The following WDR53 variants were observed in gnomAD, a reference collection of about 807,000 sequenced individuals.
WDR53 encodes the protein WD repeat domain 53, also known as WD repeat-containing protein 53.
A neutral mutation model predicts 21.3 loss-of-function variants in WDR53; 19 were observed. The observed-to-expected ratio is 0.89, with a 90% CI of 0.62 to 1.31. The LOEUF (loss-of-function observed/expected upper bound fraction) is 1.31. WDR53 is among the 50% of genes most tolerant of loss of function. WDR53 has a pLI of 0.00. For synonymous variants in WDR53, 157 were observed against 163.4 expected, an observed-to-expected ratio of 0.96 and a Z score of 0.30; for missense variants, 374 against 423.2, an observed-to-expected ratio of 0.88 and a Z score of 1.02.
intron 3 of WDR53, among the ~76,000 whole-genome samples, chr3:196,557,063 T>C (rs967310558): frequency 6.9e-6 from 1 of 144,680 alleles, no homozygotes; most frequent in Non-Finnish European, 1.5e-5. Flanking sequence ...TCAAGAGAGC[T>C]AGAGATACTG....
chr3:196,558,968 G>T (rs1734578129), intron 3 of WDR53, among the ~76,000 whole-genome samples: 1 of 152,190 alleles, frequency 6.6e-6, no homozygotes, highest in African/African-American at 2.4e-5. Context: ...TTCCAGGGCT[G>T]TTCACTAGCA....
rs1416430742 is a variant in WDR53, at chr3:196,554,395, T to G, written c.893A>C (p.Gln298Pro). The G allele has an allele frequency of 6.2e-7, 1 of 1,614,226 alleles. No homozygotes were observed. The highest frequency in any genetic ancestry group is 1.7e-5 in the Admixed American group (1 of 60,022). ...TACTGAAGCGTTAGTATTTCCACCC[T>G]GCTTGGTGCAAGTTCCTCTTTTAGG... The part of the protein sequence containing the change: ...KKPKRGTCTK[Q>P]GGNTNASVTD... The change falls in exon 4 of 4, where the codon CAG (glutamine) becomes CCG (proline). Residue 298 changes from glutamine to proline, a missense_variant. Coordinates refer to ENST00000332629, the MANE Select transcript of WDR53 (RefSeq NM_182627.3).
chr3:196,567,328 T>C (rs556740299), intron 1 of WDR53, 21 bp from the exon 2 acceptor site: 3 of 435,502 alleles, frequency 6.9e-6, no homozygotes, highest in Admixed American at 5.2e-5. Context: ...TGAAAAGAAT[T>C]AGGGTTACTG....
intron 3 of WDR53, 82 bp downstream of exon 3, chr3:196,560,914 G>T: frequency 2.0e-6 from 3 of 1,511,364 alleles, no homozygotes; most frequent in Non-Finnish European, 2.7e-6. Flanking sequence ...AAAAAGCAAA[G>T]ATATTTCGTG....
At chr3:196,554,834 C>A (rs1483263916) in intron 3 of WDR53, 27 bp from the exon 4 acceptor site, 2 of 1,571,526 alleles carry the variant, frequency 1.3e-6, no homozygotes, top group Non-Finnish European at 1.7e-6. Flanking sequence ...ATTACACAGT[C>A]ATACAAAATG....
intron 1 of WDR53, 133 bp downstream of exon 1, chr3:196,568,386 G>A (rs1266889055): frequency 6.5e-6 from 1 of 152,716 alleles, no homozygotes; most frequent in Non-Finnish European, 1.5e-5. Flanking sequence ...AACGGACACA[G>A]GGAAACGTCA....
Position 196,554,922 on chromosome 3 carries a change from G to A in WDR53, c.481-115C>T, listed in dbSNP as rs1734196540. 6 of 816,654 alleles carry A rather than the reference G, an allele frequency of 7.3e-6. No homozygotes were observed. The South Asian group carries it at 1.0e-4, about 14-fold the overall frequency. The allele number at this position is 816,654 out of a possible 1,614,324, so 50.6% of individuals were successfully genotyped here. On this transcript the variant is annotated intron_variant, in intron 3 of 3. Transcript: ENST00000332629. ...AAGTAGTCTGAGAATGAGCAGTAGT[G>A]CACGTTCTCAGCAGTATTAAAAAAT...
intron 1 of WDR53, among the ~76,000 whole-genome samples, chr3:196,568,041 T>C (rs1010749762): frequency 2.0e-5 from 3 of 152,248 alleles, no homozygotes; most frequent in East Asian, 3.9e-4. Flanking sequence ...TATTGGAATG[T>C]TTAATTGACT....
intron 1 of WDR53, among the ~76,000 whole-genome samples, chr3:196,568,122 G>A (rs1735607509): frequency 6.6e-6 from 1 of 152,134 alleles, no homozygotes; most frequent in Non-Finnish European, 1.5e-5. Context: ...CCAAAAGACG[G>A]CAGCACTTAA....
chr3:196,564,983 T>C (rs938727936), intron 2 of WDR53, among the ~76,000 whole-genome samples: 4 of 152,178 alleles, frequency 2.6e-5, no homozygotes, highest in Admixed American at 6.5e-5. Context: ...ATTAACTCAA[T>C]CTTCAAGGTT....
At chr3:196,561,562 T>TA in intron 2 of WDR53, 71 bp from the exon 3 acceptor site, 1 of 1,393,520 alleles carries the variant, frequency 7.2e-7, no homozygotes, top group Non-Finnish European at 9.5e-7. Flanking sequence ...ACAGATGTAA[T>TA]AAACAATATT....
Position 196,554,309 on chromosome 3 carries a change from C to T in WDR53, c.979G>A (p.Val327Met), listed in dbSNP as rs755107143. The T allele has an allele frequency of 5.6e-6, 9 of 1,614,136 alleles. No homozygotes were observed. Among genetic ancestry groups the T allele is most frequent in the East Asian group, 2.2e-5 (1 of 44,880 alleles). Residue 327 changes from valine (V) to methionine (M), a missense_variant, in exon 4 of 4, where the codon GTG becomes ATG. Transcript: ENST00000332629. ...ATTTTTGTACCCAAGAGCCAGTTCA[C>T]TTTTTCTCCATGTTCAATATTTAGC... The part of the protein sequence containing the change: ...PKLNIEHGEK[V>M]NWLLGTKIKG...
intron 2 of WDR53, among the ~76,000 whole-genome samples, chr3:196,565,932 T>G (rs1735346085): frequency 6.6e-6 from 1 of 152,226 alleles, no homozygotes; most frequent in Non-Finnish European, 1.5e-5. Context: ...CATTCACGTA[T>G]CAAGTCAACA....
At chr3:196,555,457 A>G (rs573969908) in intron 3 of WDR53, among the ~76,000 whole-genome samples, 2 of 152,284 alleles carry the variant, frequency 1.3e-5, no homozygotes, top group Admixed American at 1.3e-4. Context: ...GAAATTCCAA[A>G]CATGTCTGTT....
Position 196,567,311 on chromosome 3 carries a change from G to A in WDR53, c.-447-4C>T. 2.2e-6 allele frequency: 1 copy of A among 448,822 alleles called. No individual in the cohort carries two copies. Among genetic ancestry groups the A allele is most frequent in the Non-Finnish European group, 4.5e-6 (1 of 223,916 alleles). 27.8% of individuals were successfully genotyped at this position (448,822 alleles called of 1,614,324 possible). A position where few individuals can be genotyped will look rare whatever the true frequency, so the allele number is the denominator to read the frequency against. ...TTGAAGGGCTGTGGCGCTGGCACTG[G>A]TAAGAATGAAAAGAATTAGGGTTAC... On this transcript the variant is annotated splice_region_variant and splice_polypyrimidine_tract_variant and intron_variant, in intron 1 of 3. Coordinates refer to ENST00000332629, the MANE Select transcript of WDR53 (RefSeq NM_182627.3).
At position 196,554,639 on chromosome 3, in the gene WDR53, C is replaced by G. The variant is rs1269914022; in HGVS notation, c.649G>C (p.Glu217Gln). ...CGAAAGATTCGAACCTTACCATCTT[C>G]TGCACCACAACTAAAAATATTACCA... Reference protein sequence around the residue: ...SCGNIFSCGAEDGKVRIFRVM... With the variant: ...SCGNIFSCGAQDGKVRIFRVM... The change falls in exon 4 of 4, where the codon GAA becomes CAA. Residue 217 changes from glutamate to glutamine, a missense_variant. Transcript: ENST00000332629. 1 of 1,614,188 alleles carries G rather than the reference C, an allele frequency of 6.2e-7. No individual in the cohort carries two copies. The highest frequency in any genetic ancestry group is 1.1e-5 in the South Asian group (1 of 91,080).
intron 3 of WDR53, among the ~76,000 whole-genome samples, chr3:196,559,528 A>T (rs1340138717): frequency 1.3e-5 from 2 of 152,172 alleles, no homozygotes; most frequent in Non-Finnish European, 2.9e-5. Context: ...TTCTTCAGTT[A>T]TGAGGGGTAT....
At chr3:196,557,792 T>C (rs1274113624) in intron 3 of WDR53, among the ~76,000 whole-genome samples, 1 of 151,366 alleles carries the variant, frequency 6.6e-6, no homozygotes, top group African/African-American at 2.4e-5. Context: ...TTCTTTTTTT[T>C]TTTTTGAGAC....
intron 3 of WDR53, among the ~76,000 whole-genome samples, chr3:196,555,272 T>C (rs1216270988): frequency 6.6e-6 from 1 of 152,222 alleles, no homozygotes; most frequent in East Asian, 1.9e-4. Context: ...CAATTACCCA[T>C]CCAAGGGGCT....
Sources: allele counts gnomAD v4.1 joint callset (sites outside exome capture counted in the v4.1 genomes callset), GRCh38; gene constraint gnomAD v4.1.1; transcripts MANE v1.5; gene names NCBI Gene and HGNC (gene_info 2026-07-23, HGNC 2026-07-21).